SCN2A: variants seen among roughly 807,000 people sequenced by gnomAD.
SCN2A encodes the protein sodium channel protein type 2 subunit alpha.
Under a neutral mutation model 188.7 loss-of-function variants are expected in SCN2A, and 20 were observed. That is an observed-to-expected ratio of 0.11 (90% CI 0.07 to 0.15). The LOEUF (loss-of-function observed/expected upper bound fraction) is 0.15, where lower values mean the gene tolerates loss of function less well. SCN2A is among the 10% of genes least tolerant of loss of function. The pLI is 1.00. For synonymous variants in SCN2A, 804 were observed against 833.1 expected (o/e 0.97, Z 0.60); for missense variants, 1,278 against 2,445.0 (o/e 0.52, Z 10.07).
intron 3 of SCN2A, among the ~76,000 whole-genome samples, chr2:165,305,885 C>A (rs1697097836): frequency 6.6e-6 from 1 of 152,158 alleles, no homozygotes; most frequent in Non-Finnish European, 1.5e-5. Context: ...GAGAAATATC[C>A]TTTCCCCTAT....
chr2:165,283,644 A>T (rs954408492), intron 1 of SCN2A, among the ~76,000 whole-genome samples: 10 of 152,178 alleles, frequency 6.6e-5, no homozygotes, highest in Admixed American at 2.0e-4. Context: ...ATAGCAGTGG[A>T]CCTGTGGGAT....
chr2:165,276,024 C>A (rs976438871), intron 1 of SCN2A, among the ~76,000 whole-genome samples: 1 of 152,162 alleles, frequency 6.6e-6, no homozygotes, highest in Non-Finnish European at 1.5e-5. Flanking sequence ...TGAGCCACTG[C>A]ACTCAGCCAA....
intron 25 of SCN2A, among the ~76,000 whole-genome samples, chr2:165,383,203 A>G (rs1701693750): frequency 6.6e-6 from 1 of 152,062 alleles, no homozygotes; most frequent in South Asian, 2.1e-4. Flanking sequence ...AGTATCCCAG[A>G]AAAAAAGGGA....
At chr2:165,376,777 T>C (rs978208579) in intron 22 of SCN2A, among the ~76,000 whole-genome samples, 2 of 151,852 alleles carry the variant, frequency 1.3e-5, no homozygotes, top group African/African-American at 4.8e-5. Flanking sequence ...AATAGGAAAA[T>C]TGCTCTCTTG....
At chr2:165,384,850 A>G (rs963798598) in intron 25 of SCN2A, among the ~76,000 whole-genome samples, 2 of 152,182 alleles carry the variant, frequency 1.3e-5, no homozygotes, top group Admixed American at 6.6e-5. Context: ...CAGATAAACT[A>G]TGTAAAATGA....
At chr2:165,299,469 A>G (rs1696685400) in intron 3 of SCN2A, among the ~76,000 whole-genome samples, 1 of 152,206 alleles carries the variant, frequency 6.6e-6, no homozygotes, top group African/African-American at 2.4e-5. Context: ...CAATGTAGAA[A>G]ATTAGATTTT....
intron 21 of SCN2A, among the ~76,000 whole-genome samples, chr2:165,373,813 T>C (rs534126784): frequency 8.5e-5 from 13 of 152,242 alleles, no homozygotes; most frequent in Non-Finnish European, 1.6e-4. Context: ...ACTGGAAATC[T>C]AACGCTCATT....
chr2:165,326,953 T>A lies in SCN2A; in HGVS notation c.2118T>A (p.Ser706Arg). The A allele has an allele frequency of 1.2e-6, 2 of 1,614,004 alleles. No homozygotes were observed. Among genetic ancestry groups the A allele is most frequent in the Non-Finnish European group, 1.7e-6 (2 of 1,179,934 alleles). Residue 706 changes from serine (S) to arginine (R), a missense_variant, in exon 13 of 27, where the codon AGT (serine) becomes AGA (arginine). Physicochemically the swap from Ser to Arg is moderately radical, Grantham distance 110. Coordinates refer to ENST00000375437, the MANE Select transcript of SCN2A (RefSeq NM_001040142.2). ...CTACATCAAGGCAAAGAGCAATGAG[T>A]ATAGCCAGTATTTTGACCAACACCA... is the stretch of plus-strand genomic sequence containing the variant. ...EDPTSRQRAMSIASILTNTME... is the reference protein window; with the variant it reads ...EDPTSRQRAMRIASILTNTME...
chr2:165,287,198 GA>G (rs1421013262), intron 1 of SCN2A, among the ~76,000 whole-genome samples: 2 of 152,196 alleles, frequency 1.3e-5, no homozygotes, highest in African/African-American at 4.8e-5. Flanking sequence ...TTTGGCCCTT[GA>G]CTTGAAGTTT....
In SCN2A at chr2:165,308,810, C is replaced by T. The variant is rs1300230469; in HGVS notation, c.605+16C>T. 9 of 1,611,990 alleles carry T rather than the reference C, an allele frequency of 5.6e-6. No homozygotes were observed. Among genetic ancestry groups the T allele is most frequent in the African/African-American group, 1.3e-5 (1 of 74,844 alleles). On this transcript the variant is annotated intron_variant, in intron 5 of 26. Transcript: ENST00000375437. ...TTACTTTTGCGTAAGTATCTTAATA[C>T]ATTTTCTATCCTGGAAGAGTAAATC...
chr2:165,335,440 C>T (rs1462176651), intron 14 of SCN2A, among the ~76,000 whole-genome samples: 1 of 151,660 alleles, frequency 6.6e-6, no homozygotes, highest in East Asian at 1.9e-4. Flanking sequence ...GAAATTCCAA[C>T]AGTAAGTCTT....
intron 14 of SCN2A, among the ~76,000 whole-genome samples, chr2:165,340,975 A>G (rs909395124): frequency 1.3e-5 from 2 of 152,226 alleles, no homozygotes; most frequent in Non-Finnish European, 2.9e-5. Context: ...AGTGTAGACA[A>G]GTATGCAATC....
In SCN2A at chr2:165,367,380, T is replaced by C. The variant is rs372657571; in HGVS notation, c.3675+9T>C. 4.6e-5 allele frequency: 74 copies of C among 1,613,842 alleles called. No homozygotes were observed. The highest frequency in any genetic ancestry group is 5.8e-5 in the Non-Finnish European group (69 of 1,179,844). On this transcript the variant is annotated intron_variant, in intron 19 of 26. Transcript: ENST00000375437. The stretch of plus-strand genomic sequence containing the variant: ...TGAGCAGTGGGGCTCTGGTAGGTGA[T>C]GCATGATCCACTCCTTCACCTTTCA...
At chr2:165,269,084 AT>A (rs1266139187) in intron 1 of SCN2A, 1 of 152,010 alleles carries the variant, frequency 6.6e-6, no homozygotes, top group African/African-American at 2.4e-5. Flanking sequence ...CTATTGTACT[AT>A]GTAATGACTG....
At chr2:165,250,993 A>G (rs1230081351) in intron 1 of SCN2A, among the ~76,000 whole-genome samples, 1 of 152,128 alleles carries the variant, frequency 6.6e-6, no homozygotes, top group Non-Finnish European at 1.5e-5. Context: ...ACAAAATATG[A>G]TTTAATATAA....
chr2:165,291,579 C>T (rs185143031), intron 1 of SCN2A, among the ~76,000 whole-genome samples: 144 of 72,656 alleles, frequency 2.0e-3, no homozygotes, highest in East Asian at 4.6e-3. Flanking sequence ...CTTCCTTTCT[C>T]TCTCTCTCTC....
At chr2:165,355,533 A>G (rs1700133688) in intron 17 of SCN2A, among the ~76,000 whole-genome samples, 1 of 152,166 alleles carries the variant, frequency 6.6e-6, no homozygotes, top group Non-Finnish European at 1.5e-5. Flanking sequence ...CCAGTAATTA[A>G]AGTTTGCACT....
intron 23 of SCN2A, among the ~76,000 whole-genome samples, chr2:165,378,767 T>C (rs1701447361): frequency 6.7e-6 from 1 of 148,188 alleles, no homozygotes. Context: ...CCTTTTCCGC[T>C]GCAAAACTCC....
intron 15 of SCN2A, 48 bp from the exon 16 acceptor site, chr2:165,344,507 T>A: frequency 8.0e-7 from 1 of 1,248,024 alleles, no homozygotes; most frequent in Middle Eastern, 2.0e-4. Flanking sequence ...AATTGCAGAT[T>A]TTTTTAGAAA....
Sources: allele counts gnomAD v4.1 joint callset (sites outside exome capture counted in the v4.1 genomes callset), GRCh38; gene constraint gnomAD v4.1.1; transcripts MANE v1.5; gene names NCBI Gene and HGNC (gene_info 2026-07-23, HGNC 2026-07-21).